Variants in IGF1R observed in about 807,000 individuals in gnomAD.
IGF1R encodes the protein insulin like growth factor 1 receptor.
A neutral mutation model predicts 144.6 loss-of-function variants in IGF1R; 44 were observed. The observed-to-expected ratio is 0.30, with a 90% CI of 0.24 to 0.39. IGF1R has a LOEUF of 0.39. IGF1R is among the 10% of genes least tolerant of loss of function. IGF1R has a pLI of 1.00. For missense variants in IGF1R, 1,355 were observed against 1,833.7 expected (o/e 0.74, Z 4.77); for synonymous variants, 795 against 722.8 (o/e 1.10, Z -1.60).
chr15:98,798,719 A>T (rs2062247067), intron 2 of IGF1R, among the ~76,000 whole-genome samples: 1 of 152,026 alleles, frequency 6.6e-6, no homozygotes, highest in Non-Finnish European at 1.5e-5. Context: ...GGTGAGTGAC[A>T]GGCAGAGAGG....
At position 98,819,704 on chromosome 15, in the gene IGF1R, GAATTAA is replaced by G. The variant is rs553561396; in HGVS notation, c.641-71614_641-71609del. Among the ~76,000 whole-genome samples the G allele has an allele frequency of 7.5e-3, 1,136 of 152,254 alleles. 20 individuals are homozygous for G. The highest frequency in any genetic ancestry group is 0.037 in the South Asian group (180 of 4,820). On this transcript the variant is annotated intron_variant, in intron 2 of 20. Transcript: ENST00000650285. ...TATCCATTGATACTTGCTGTATGAA[GAATTAA>G]AATTAATAACTTTAAAAAGATTTAT...
chr15:98,712,695 G>A (rs781347575), intron 2 of IGF1R, among the ~76,000 whole-genome samples: 1 of 151,568 alleles, frequency 6.6e-6, no homozygotes, highest in African/African-American at 2.4e-5. Context: ...TGCAACCTCC[G>A]GGCTCCCAGG....
chr15:98,657,383 TATTA>T (rs1238312629), intron 1 of IGF1R, among the ~76,000 whole-genome samples: 3 of 152,250 alleles, frequency 2.0e-5, no homozygotes, highest in African/African-American at 4.8e-5. Context: ...AGTCATTAGC[TATTA>T]ATTCTGTCTA....
At chr15:98,778,186 A>T (rs1007141353) in intron 2 of IGF1R, among the ~76,000 whole-genome samples, 16 of 152,314 alleles carry the variant, frequency 1.1e-4, no homozygotes, top group African/African-American at 3.8e-4. Context: ...TGAAGCCTTC[A>T]CAGAAGATGC....
chr15:98,765,057 TATATA>T (rs2055401308), intron 2 of IGF1R, among the ~76,000 whole-genome samples: 1 of 152,214 alleles, frequency 6.6e-6, no homozygotes, highest in South Asian at 2.1e-4. Flanking sequence ...TAAATGCAGT[TATATA>T]ATATGTGACC....
intron 2 of IGF1R, among the ~76,000 whole-genome samples, chr15:98,794,622 C>A (rs184284661): frequency 6.6e-6 from 1 of 152,246 alleles, no homozygotes; most frequent in East Asian, 1.9e-4. Context: ...GTTCCATTTC[C>A]CAAGTAATGT....
chr15:98,665,064 TCTC>T (rs2052700813), intron 1 of IGF1R, among the ~76,000 whole-genome samples: 1 of 151,762 alleles, frequency 6.6e-6, no homozygotes, highest in East Asian at 2.0e-4. Flanking sequence ...TTCACGCCAT[TCTC>T]CTGCCTCAGC....
chr15:98,757,105 G>T (rs1042460891), intron 2 of IGF1R, among the ~76,000 whole-genome samples: 19 of 152,110 alleles, frequency 1.2e-4, no homozygotes, highest in African/African-American at 4.6e-4. Context: ...ATTATAGTCA[G>T]ATCTTCCAAA....
chr15:98,812,437 A>G (rs1045060641), intron 2 of IGF1R, among the ~76,000 whole-genome samples: 8 of 151,812 alleles, frequency 5.3e-5, no homozygotes, highest in African/African-American at 1.2e-4. Flanking sequence ...GTTCACTGCA[A>G]TCTCCGCCTC....
chr15:98,792,388 G>C (rs977477599), intron 2 of IGF1R, among the ~76,000 whole-genome samples: 1 of 152,200 alleles, frequency 6.6e-6, no homozygotes, highest in Non-Finnish European at 1.5e-5. Context: ...ACTCTCAAAT[G>C]AGGTTTCAGA....
At chr15:98,843,789 A>T (rs577255053) in intron 2 of IGF1R, among the ~76,000 whole-genome samples, 5 of 152,170 alleles carry the variant, frequency 3.3e-5, no homozygotes, top group Non-Finnish European at 5.9e-5. Context: ...CATAAGTAGT[A>T]GTCTATTAAA....
chr15:98,920,767 C>T (rs574915822), intron 10 of IGF1R, among the ~76,000 whole-genome samples: 39 of 152,114 alleles, frequency 2.6e-4, no homozygotes, highest in Non-Finnish European at 4.6e-4. Context: ...TTGGGCAGTT[C>T]ATGCCTTCGG....
At position 98,964,361 on chromosome 15, in the gene IGF1R, G is replaced by GT. The variant is rs1367532186; in HGVS notation, c.*6920dup. On this transcript the variant is annotated 3_prime_UTR_variant, in exon 21 of 21. Coordinates refer to ENST00000650285, the MANE Select transcript of IGF1R (RefSeq NM_000875.5). ...TCAAAATGTTTTTGTATATTCTGTT[G>GT]TAAGAATTTATTCCTGTTATTGCGA... 1 of 230,428 alleles carries GT rather than the reference G, an allele frequency of 4.3e-6. No individual in the cohort carries two copies. Among genetic ancestry groups the GT allele is most frequent in the African/African-American group, 2.2e-5 (1 of 45,116 alleles). 14.3% of individuals were successfully genotyped at this position (230,428 alleles called of 1,614,324 possible). A position where few individuals can be genotyped will look rare whatever the true frequency, so the allele number is the denominator to read the frequency against.
chr15:98,726,712 A>ATTTTTT (rs756622481), intron 2 of IGF1R, among the ~76,000 whole-genome samples: 36 of 93,064 alleles, frequency 3.9e-4, no homozygotes, highest in Non-Finnish European at 4.7e-4. Flanking sequence ...TACATTGATG[A>ATTTTTT]TTTTTTTTTT....
intron 2 of IGF1R, among the ~76,000 whole-genome samples, chr15:98,709,695 T>C (rs1376459224): frequency 6.6e-6 from 1 of 152,184 alleles, no homozygotes; most frequent in Non-Finnish European, 1.5e-5. Context: ...TGACCTTGGA[T>C]GGGCCAGCCC....
At position 98,962,980 on chromosome 15, in the gene IGF1R, G is replaced by C. The variant is rs1019356077; in HGVS notation, c.*5538G>C. On this transcript the variant is annotated 3_prime_UTR_variant, in exon 21 of 21. Coordinates refer to ENST00000650285, the MANE Select transcript of IGF1R (RefSeq NM_000875.5). ...CACGTGTGTGTGTCCGCATCTTTCT[G>C]GTCAACATTGTTTTAACTAGTCACT... 8.6e-6 allele frequency: 2 copies of C among 233,486 alleles called. No individual in the cohort carries two copies. Among genetic ancestry groups the C allele is most frequent in the Admixed American group, 1.1e-4 (2 of 17,766 alleles). 14.5% of individuals were successfully genotyped at this position (233,486 alleles called of 1,614,324 possible). A position where few individuals can be genotyped will look rare whatever the true frequency, so the allele number is the denominator to read the frequency against.
At chr15:98,852,619 G>A (rs760495136) in intron 2 of IGF1R, among the ~76,000 whole-genome samples, 3 of 152,202 alleles carry the variant, frequency 2.0e-5, no homozygotes, top group Non-Finnish European at 2.9e-5. Context: ...AAGAAAGCGG[G>A]TGGAGGGTGG....
At chr15:98,681,336 G>T (rs184685675) in intron 1 of IGF1R, among the ~76,000 whole-genome samples, 47 of 152,232 alleles carry the variant, frequency 3.1e-4, no homozygotes, top group African/African-American at 1.1e-3. Context: ...TTGCTTCTCT[G>T]CTTGTGTCTT....
At chr15:98,938,956 G>C (rs1426100781) in intron 17 of IGF1R, among the ~76,000 whole-genome samples, 1 of 152,186 alleles carries the variant, frequency 6.6e-6, no homozygotes, top group Non-Finnish European at 1.5e-5. Context: ...CCTAAAGAGT[G>C]CAAATTGGTG....
Sources: gnomAD v4.1 joint callset for allele counts (sites outside exome capture counted in the v4.1 genomes callset) on GRCh38, gnomAD v4.1.1 for gene constraint, MANE v1.5 for transcripts, NCBI Gene and HGNC (gene_info 2026-07-23, HGNC 2026-07-21) for gene names.